The following DOP1B variants were observed in gnomAD, a reference collection of about 807,000 sequenced individuals.
DOP1B encodes protein DOP1B.
A neutral mutation model predicts 233.5 loss-of-function variants in DOP1B; 174 were observed. The ratio of observed to expected loss-of-function variants is 0.75; its 90% CI spans 0.66 to 0.85. The LOEUF is 0.85. Ranked by LOEUF, DOP1B falls within the 40% of genes least tolerant of loss-of-function variation. DOP1B has a pLI of 0.00. For missense variants in DOP1B, 2,652 were observed against 2,846.6 expected, an observed-to-expected ratio of 0.93 and a Z score of 1.56; for synonymous variants, 1,190 against 1,185.6, an observed-to-expected ratio of 1.00 and a Z score of -0.08.
chr21:36,187,680 C>T (rs1034636284), intron 2 of DOP1B, among the ~76,000 whole-genome samples: 4 of 152,198 alleles, frequency 2.6e-5, no homozygotes, highest in Admixed American at 2.0e-4. Context: ...GATCGTAGCT[C>T]GCCCACAGCC....
At chr21:36,286,500 G>T (rs370490992) in intron 32 of DOP1B, among the ~76,000 whole-genome samples, 21 of 152,008 alleles carry the variant, frequency 1.4e-4, no homozygotes, top group African/African-American at 4.1e-4. Flanking sequence ...GCTGGGTGTG[G>T]TGGTGGGTGC....
intron 31 of DOP1B, 80 bp downstream of exon 31, chr21:36,280,426 G>C (rs1269416170): frequency 2.0e-6 from 2 of 1,019,612 alleles, no homozygotes; most frequent in African/African-American, 3.2e-5. Flanking sequence ...ATGTATTTCC[G>C]AACCCTACTC....
At chr21:36,229,729 T>C (rs1845099853) in intron 13 of DOP1B, among the ~76,000 whole-genome samples, 1 of 151,556 alleles carries the variant, frequency 6.6e-6, no homozygotes, top group African/African-American at 2.4e-5. Context: ...TGGCATGATT[T>C]TGGCTCACTG....
At chr21:36,251,821 C>G (rs913280023) in intron 22 of DOP1B, among the ~76,000 whole-genome samples, 1 of 152,066 alleles carries the variant, frequency 6.6e-6, no homozygotes, top group Non-Finnish European at 1.5e-5. Context: ...CTTCTGTTTT[C>G]TAATTTTTCT....
chr21:36,191,255 G>T (rs1386172448), intron 2 of DOP1B, among the ~76,000 whole-genome samples: 3 of 141,380 alleles, frequency 2.1e-5, no homozygotes, highest in East Asian at 4.1e-4. Flanking sequence ...AAACAAGTCA[G>T]AAAAAAAAAA....
chr21:36,187,270 G>A (rs978844488), intron 2 of DOP1B, among the ~76,000 whole-genome samples: 4 of 99,008 alleles, frequency 4.0e-5, no homozygotes, highest in East Asian at 3.3e-4. Context: ...CCCATTCATC[G>A]TCTGTGGGGA....
At position 36,225,668 on chromosome 21, in the gene DOP1B, G is replaced by A. The variant is rs756099172; in HGVS notation, c.1473+1G>A. 1.9e-6 allele frequency: 3 copies of A among 1,614,072 alleles called. No individual in the cohort carries two copies. Among genetic ancestry groups the A allele is most frequent in the Non-Finnish European group, 2.5e-6 (3 of 1,180,020 alleles). On this transcript the variant is annotated splice_donor_variant, in intron 12 of 36. Transcript: ENST00000691173. LOFTEE classifies it high-confidence loss of function. Reference sequence around the variant, plus strand: ...CTTCCTGCTGGATGTCATTCCTTTGGTGAGTGCTGGGGAAGGGACATCTCA... The same window carrying A: ...CTTCCTGCTGGATGTCATTCCTTTGATGAGTGCTGGGGAAGGGACATCTCA...
chr21:36,287,908 G>C, intron 32 of DOP1B, 106 bp from the exon 33 acceptor site: 2 of 1,393,354 alleles, frequency 1.4e-6, no homozygotes, highest in Non-Finnish European at 1.9e-6. Context: ...CCTTACACTG[G>C]GTTGTTACTA....
At chr21:36,271,001 G>A (rs1173693981) in intron 27 of DOP1B, among the ~76,000 whole-genome samples, 1 of 151,518 alleles carries the variant, frequency 6.6e-6, no homozygotes, top group Non-Finnish European at 1.5e-5. Flanking sequence ...TATCAGCAGG[G>A]ATGGTGAAAT....
chr21:36,256,880 A>G (rs1048209469), intron 23 of DOP1B, among the ~76,000 whole-genome samples: 5 of 152,194 alleles, frequency 3.3e-5, no homozygotes, highest in Non-Finnish European at 7.3e-5. Context: ...TTGATTCCGC[A>G]GTGGACACCA....
In DOP1B at chr21:36,230,607, G is replaced by C; in HGVS notation, c.1823G>C (p.Arg608Pro). ...PELSEHLRVP[R>P]VSLERDDVWK... The stretch of plus-strand genomic sequence containing the variant: ...CTCTCTGAGCACTTGAGGGTTCCTC[G>C]AGTTTCTCTGGAAAGGGACGACGTT... Residue 608 changes from arginine to proline, a missense_variant, in exon 14 of 37, where the codon CGA becomes CCA. This residue lies in a region of DOP1B where 2,617 missense variants were observed against 2,794.3 expected (regional missense o/e 0.94). Transcript: ENST00000691173. 6.2e-7 allele frequency: 1 copy of C among 1,614,180 alleles called. No individual in the cohort carries two copies. The highest frequency in any genetic ancestry group is 8.5e-7 in the Non-Finnish European group (1 of 1,180,042).
chr21:36,167,500 G>C (rs367957496), intron 2 of DOP1B, among the ~76,000 whole-genome samples: 3 of 152,168 alleles, frequency 2.0e-5, no homozygotes, highest in Non-Finnish European at 4.4e-5. Context: ...TGTTGGGGAG[G>C]GCACAGTCTT....
chr21:36,213,972 C>T, intron 7 of DOP1B, 109 bp from the exon 8 acceptor site: 1 of 960,158 alleles, frequency 1.0e-6, no homozygotes, highest in Non-Finnish European at 1.6e-6. Flanking sequence ...TTTGGTTTTC[C>T]ATCAGAAGAA....
chr21:36,265,373 G>A, intron 26 of DOP1B, among the ~76,000 whole-genome samples: 1 of 152,162 alleles, frequency 6.6e-6, no homozygotes, highest in Non-Finnish European at 1.5e-5. Context: ...TCCAGCCTGG[G>A]CAACAAGCGT....
intron 2 of DOP1B, among the ~76,000 whole-genome samples, chr21:36,190,037 G>C (rs1315449473): frequency 1.3e-5 from 2 of 149,268 alleles, no homozygotes; most frequent in African/African-American, 5.0e-5. Flanking sequence ...ATGATTTTCA[G>C]CTGGGCACAG....
intron 26 of DOP1B, among the ~76,000 whole-genome samples, chr21:36,269,576 A>T (rs1315935010): frequency 6.6e-6 from 1 of 152,184 alleles, no homozygotes; most frequent in Non-Finnish European, 1.5e-5. Flanking sequence ...ACTGGAGTGC[A>T]GTGGCATGAT....
At chr21:36,240,830 C>G (rs897639999) in intron 18 of DOP1B, among the ~76,000 whole-genome samples, 3 of 152,104 alleles carry the variant, frequency 2.0e-5, no homozygotes, top group Admixed American at 1.3e-4. Flanking sequence ...GGATGGTTTG[C>G]AAACTTTGAG....
intron 4 of DOP1B, 151 bp from the exon 5 acceptor site, chr21:36,208,564 A>G: frequency 1.3e-6 from 1 of 761,526 alleles, no homozygotes; most frequent in Non-Finnish European, 2.0e-6. Context: ...GCAGGGTGAG[A>G]GATGGCAGCG....
At position 36,169,213 on chromosome 21, in the gene DOP1B, A is replaced by G. The variant is rs1050224068; in HGVS notation, c.138+4342A>G. 4.9e-5 allele frequency: 50 copies of G among 1,029,488 alleles called. No individual in the cohort carries two copies. The East Asian group carries it at 1.0e-3, about 21-fold the overall frequency. The allele number at this position is 1,029,488 out of a possible 1,614,324, so 63.8% of individuals were successfully genotyped here. A position where few individuals can be genotyped will look rare whatever the true frequency, so the allele number is the denominator to read the frequency against. Reference sequence around the variant, plus strand: ...TAACAGAGTTATTGGTCACTTCACCATAGTGGACAAAGCCACCCAGAAGGT... The same window carrying G: ...TAACAGAGTTATTGGTCACTTCACCGTAGTGGACAAAGCCACCCAGAAGGT... On this transcript the variant is annotated intron_variant, in intron 2 of 36. Coordinates refer to ENST00000691173, the MANE Select transcript of DOP1B (RefSeq NM_001320714.2).
Sources: allele counts gnomAD v4.1 joint callset (sites outside exome capture counted in the v4.1 genomes callset), GRCh38; gene constraint gnomAD v4.1.1; regional missense constraint gnomAD v4.1.1; transcripts MANE v1.5; gene names NCBI Gene and HGNC (gene_info 2026-07-23, HGNC 2026-07-21).